CSMD3: variants seen among roughly 807,000 people sequenced by gnomAD.
The protein encoded by CSMD3 is CUB and sushi domain-containing protein 3.
Under a neutral mutation model 435.2 loss-of-function variants are expected in CSMD3, and 177 were observed. The ratio of observed to expected loss-of-function variants is 0.41; its 90% CI spans 0.36 to 0.46. The LOEUF (loss-of-function observed/expected upper bound fraction) is 0.46. CSMD3 is among the 20% of genes least tolerant of loss of function. CSMD3 has a pLI of 0.34. For synonymous variants in CSMD3, 1,656 were observed against 1,520.5 expected (o/e 1.09, Z -2.07); for missense variants, 4,265 against 4,504.6 (o/e 0.95, Z 1.52).
chr8:112,666,355 C>G lies in CSMD3; in HGVS notation c.2738G>C (p.Gly913Ala), dbSNP rs774427789. The change falls in exon 17 of 71, where the codon GGA becomes GCA. Residue 913 changes from glycine (G) to alanine (A), a missense_variant. Physicochemically the swap from Gly to Ala is moderately conservative, Grantham distance 60. Transcript: ENST00000297405. ...ACAATTCAAAGAGTCTTTGTAGTAT[C>G]CTGGCCATCCTGGTGAGAGAATCAC... ...SGVILSPGWPGYYKDSLNCEW... is the reference protein window; with the variant it reads ...SGVILSPGWPAYYKDSLNCEW... The G allele has an allele frequency of 6.2e-7, 1 of 1,612,492 alleles. No individual in the cohort carries two copies. The highest frequency in any genetic ancestry group is 8.5e-7 in the Non-Finnish European group (1 of 1,179,162).
rs529513365 is a variant in CSMD3, at chr8:112,327,946, C to T, written c.7165+7383G>A. 2.2e-4 allele frequency among the ~76,000 whole-genome samples: 33 copies of T among 152,248 alleles called. No individual in the cohort carries two copies. In the South Asian group the frequency reaches 6.2e-3, roughly 29 times the overall value. ...CAGAAAATAATGCTGCATGTATCTA[C>T]TTCTATTCAATGCGCTATTAAAGCC... On this transcript the variant is annotated intron_variant, in intron 45 of 70. Transcript: ENST00000297405.
chr8:112,449,985 A>T (rs6469421), intron 32 of CSMD3, among the ~76,000 whole-genome samples: 64,878 of 151,996 alleles, frequency 0.43, 14,816 homozygotes, highest in Middle Eastern at 0.6. Flanking sequence ...CAGACTCCCA[A>T]AGTTCTGGGA....
chr8:112,894,132 A>G (rs1190275099), intron 10 of CSMD3, among the ~76,000 whole-genome samples: 1 of 151,474 alleles, frequency 6.6e-6, no homozygotes, highest in Non-Finnish European at 1.5e-5. Flanking sequence ...AGATGATTTC[A>G]GAAATTTTTA....
intron 5 of CSMD3, among the ~76,000 whole-genome samples, chr8:113,045,559 T>G (rs898641649): frequency 1.3e-5 from 2 of 149,282 alleles, no homozygotes; most frequent in African/African-American, 4.8e-5. Context: ...ACAAAAAAAA[T>G]AAAGCCAAAG....
At chr8:112,287,617 T>C (rs1819339355) in intron 57 of CSMD3, among the ~76,000 whole-genome samples, 4 of 152,136 alleles carry the variant, frequency 2.6e-5, no homozygotes, top group Non-Finnish European at 5.9e-5. Context: ...AAAACTGAAT[T>C]CTGCAATTTG....
chr8:113,051,084 GA>G (rs929031305), intron 5 of CSMD3, among the ~76,000 whole-genome samples: 3 of 151,924 alleles, frequency 2.0e-5, no homozygotes, highest in African/African-American at 7.2e-5. Flanking sequence ...CATTAAAAGT[GA>G]AAAAAATACT....
chr8:113,270,934 C>T, intron 3 of CSMD3, among the ~76,000 whole-genome samples: 1 of 151,502 alleles, frequency 6.6e-6, no homozygotes, highest in East Asian at 2.0e-4. Context: ...ATGTAACAAA[C>T]TTGCACGTTG....
At chr8:113,397,012 GAA>G (rs990706154) in intron 1 of CSMD3, among the ~76,000 whole-genome samples, 2 of 152,060 alleles carry the variant, frequency 1.3e-5, no homozygotes, top group African/African-American at 4.8e-5. Flanking sequence ...TATTTTGAAA[GAA>G]TATTTATTTT....
intron 5 of CSMD3, among the ~76,000 whole-genome samples, chr8:113,089,682 A>G (rs750428022): frequency 5.9e-5 from 9 of 152,164 alleles, no homozygotes; most frequent in African/African-American, 4.8e-5. Flanking sequence ...AGGCAAGTAT[A>G]GTGCAAGTCT....
chr8:112,866,273 C>A (rs764953675), intron 10 of CSMD3, among the ~76,000 whole-genome samples: 1 of 152,094 alleles, frequency 6.6e-6, no homozygotes, highest in Admixed American at 6.6e-5. Flanking sequence ...ATTCAAATCA[C>A]CTAGATCTCA....
intron 9 of CSMD3, among the ~76,000 whole-genome samples, chr8:112,942,328 G>C (rs11996363): frequency 6.7e-6 from 1 of 150,262 alleles, no homozygotes; most frequent in Non-Finnish European, 1.5e-5. Context: ...AAAGAACTTA[G>C]AACTACCATT....
At position 112,291,619 on chromosome 8, in the gene CSMD3, G is replaced by GT; in HGVS notation, c.8864dup (p.Tyr2955Ter). 6.2e-7 allele frequency: 1 copy of GT among 1,610,754 alleles called. No individual in the cohort carries two copies. Among genetic ancestry groups the GT allele is most frequent in the Non-Finnish European group, 8.5e-7 (1 of 1,177,408 alleles). The change falls in exon 56 of 71, where the codon TAC (tyrosine) becomes TAAC (stop). Residue 2955 changes from tyrosine (Y) to a stop codon, truncating the protein, a stop_gained and frameshift_variant. Transcript: ENST00000297405. LOFTEE classifies it high-confidence loss of function. The stretch of plus-strand genomic sequence containing the variant: ...TGCAGTCATAGAATACCACAGTGCC[G>GT]TAAGTAAAATTTCCATGTTCTATTT... The part of the protein sequence containing the change: ...ESKIEHGNFT[Y>*]GTVVFYDCNP...
intron 34 of CSMD3, 65 bp downstream of exon 34, chr8:112,408,251 ACT>A (rs1339587143): frequency 9.2e-5 from 91 of 987,264 alleles, no homozygotes; most frequent in Non-Finnish European, 1.3e-4. Context: ...TCATTCAAAA[ACT>A]CTGAATACAT....
At chr8:112,266,140 T>G (rs1457223700) in intron 59 of CSMD3, among the ~76,000 whole-genome samples, 2 of 152,152 alleles carry the variant, frequency 1.3e-5, no homozygotes, top group Non-Finnish European at 2.9e-5. Context: ...TACATGATGA[T>G]GTTTCCAGCC....
intron 3 of CSMD3, among the ~76,000 whole-genome samples, chr8:113,195,847 A>T (rs1378604026): frequency 6.8e-6 from 1 of 147,474 alleles, no homozygotes; most frequent in Middle Eastern, 3.3e-3. Flanking sequence ...ACACCCCCAC[A>T]CACACATGCA....
intron 70 of CSMD3, 98 bp downstream of exon 70, chr8:112,228,658 A>C: frequency 1.5e-6 from 2 of 1,301,706 alleles, no homozygotes; most frequent in South Asian, 1.2e-5. Flanking sequence ...TCAACAACTC[A>C]GAAGAAAATT....
chr8:112,525,872 T>G (rs1166651825), intron 27 of CSMD3, among the ~76,000 whole-genome samples: 2 of 143,428 alleles, frequency 1.4e-5, no homozygotes, highest in African/African-American at 2.5e-5. Context: ...AGTTTTTGTT[T>G]TTTATATATA....
At chr8:112,757,053 G>A (rs1016449929) in intron 13 of CSMD3, among the ~76,000 whole-genome samples, 4 of 152,108 alleles carry the variant, frequency 2.6e-5, no homozygotes, top group Non-Finnish European at 4.4e-5. Flanking sequence ...ACTGGCATGA[G>A]CTACTGTGCC....
intron 9 of CSMD3, among the ~76,000 whole-genome samples, chr8:112,924,901 T>G (rs931459015): frequency 1.3e-5 from 2 of 152,142 alleles, no homozygotes; most frequent in Admixed American, 6.6e-5. Flanking sequence ...ACACAGTGTC[T>G]ATCACATATC....
Sources: allele counts gnomAD v4.1 joint callset (sites outside exome capture counted in the v4.1 genomes callset), GRCh38; gene constraint gnomAD v4.1.1; transcripts MANE v1.5; gene names NCBI Gene and HGNC (gene_info 2026-07-23, HGNC 2026-07-21).